The following ANK3 variants were observed in gnomAD, a reference collection of about 807,000 sequenced individuals.
ANK3 encodes ankyrin 3, also known as ankyrin-3.
ANK3 carries 57 observed loss-of-function variants against 370.9 expected under a neutral mutation model. The observed-to-expected ratio is 0.15, with a 90% confidence interval of 0.12 to 0.19. The LOEUF (loss-of-function observed/expected upper bound fraction) is 0.19. ANK3 is among the 10% of genes least tolerant of loss of function. The pLI, the probability that ANK3 is intolerant of heterozygous loss-of-function variation, is 1.00. For synonymous variants in ANK3, 1,929 were observed against 1,946.3 expected (o/e 0.99, Z 0.23); for missense variants, 4,439 against 5,302.1 (o/e 0.84, Z 5.06).
rs1352588258 is a variant in ANK3 at position 60,134,310 on chromosome 10, G to T, written c.2802C>A (p.Ser934Arg). The change falls in exon 25 of 44, where the codon AGC (serine) becomes AGA (arginine). Residue 934 changes from serine (S) to arginine (R), a missense_variant. By Grantham distance (110) the Ser-to-Arg change is moderately radical. Transcript: ENST00000280772. ...TLNRSSYARD[S>R]MMIEELLVPS... Reference sequence around the variant, plus strand: ...GCACAAGGAGTTCTTCAATCATCATGCTGTCCCGTGCATAGGAGCTTCTGT... The same window carrying T: ...GCACAAGGAGTTCTTCAATCATCATTCTGTCCCGTGCATAGGAGCTTCTGT... 1 of 1,613,918 alleles carries T rather than the reference G, an allele frequency of 6.2e-7. No individual in the cohort carries two copies. Among genetic ancestry groups the T allele is most frequent in the Non-Finnish European group, 8.5e-7 (1 of 1,179,916 alleles).
intron 16 of ANK3, among the ~76,000 whole-genome samples, chr10:60,195,430 C>T (rs1235083229): frequency 2.6e-5 from 4 of 151,240 alleles, no homozygotes; most frequent in Non-Finnish European, 5.9e-5. Flanking sequence ...AAGGGATACT[C>T]AATGGTCCTC....
chr10:60,524,143 A>G (rs576781820), intron 2 of ANK3, among the ~76,000 whole-genome samples: 1 of 152,230 alleles, frequency 6.6e-6, no homozygotes, highest in South Asian at 2.1e-4. Flanking sequence ...TCAGTGGTAT[A>G]ACCAAAGAGT....
At chr10:60,461,738 T>G (rs2064889040) in intron 2 of ANK3, among the ~76,000 whole-genome samples, 1 of 152,184 alleles carries the variant, frequency 6.6e-6, no homozygotes, top group African/African-American at 2.4e-5. Flanking sequence ...ATGACTCCCC[T>G]GCAAACTCGG....
intron 1 of ANK3, among the ~76,000 whole-genome samples, chr10:60,724,257 C>G (rs544997679): frequency 6.6e-6 from 1 of 150,790 alleles, no homozygotes; most frequent in Non-Finnish European, 1.5e-5. Flanking sequence ...TCTAGCGCCC[C>G]CAGAAGGAAC....
rs1163943188 is a variant in ANK3 at position 60,166,598 on chromosome 10, A to G, written c.2607T>C (p.Val869=). The G allele has an allele frequency of 6.2e-7, 1 of 1,613,466 alleles. No individual in the cohort carries two copies. The highest frequency in any genetic ancestry group is 1.1e-5 in the South Asian group (1 of 90,968). ...ATAAAAATTTACAAATACCTTCTTC[A>G]ACATCTGAGATATATTCGCCATCAC... ...MLSDGEYISD[V]EEGEDAMTGD... The change falls in exon 23 of 44, where the codon GTT becomes GTC. Residue 869 remains valine (V), a synonymous_variant. Transcript: ENST00000280772.
chr10:60,508,938 G>A lies in ANK3; in HGVS notation c.96+106248C>T, dbSNP rs753843442. On this transcript the variant is annotated intron_variant, in intron 2 of 43. Transcript: ENST00000373827. ...AAAACAGGTGATTGAACCAGGAATC[G>A]CTTAAGATCTTGAGGATGTTTCCCA... Among the ~76,000 whole-genome samples, 214 of 152,228 alleles carry A rather than the reference G, an allele frequency of 1.4e-3. 2 individuals carry two copies. The highest frequency in any genetic ancestry group is 4.6e-4 in the Non-Finnish European group (31 of 68,000).
intron 2 of ANK3, among the ~76,000 whole-genome samples, chr10:60,491,590 C>T (rs1370998753): frequency 6.6e-6 from 1 of 152,176 alleles, no homozygotes; most frequent in Non-Finnish European, 1.5e-5. Context: ...TTGCTCCAGC[C>T]TCAAGGAAGT....
chr10:60,579,984 A>T (rs78503977), intron 2 of ANK3, among the ~76,000 whole-genome samples: 1 of 152,222 alleles, frequency 6.6e-6, no homozygotes, highest in Non-Finnish European at 1.5e-5. Flanking sequence ...TCAATGAGGT[A>T]TAAGGATGTG....
At chr10:60,552,904 TG>T (rs2133235144) in intron 2 of ANK3, among the ~76,000 whole-genome samples, 1 of 152,274 alleles carries the variant, frequency 6.6e-6, no homozygotes, top group African/African-American at 2.4e-5. Flanking sequence ...GTTTTAAAAA[TG>T]GGAGTTTCTC....
chr10:60,365,207 T>C (rs1177486834), intron 1 of ANK3, among the ~76,000 whole-genome samples: 2 of 151,778 alleles, frequency 1.3e-5, no homozygotes, highest in Non-Finnish European at 2.9e-5. Flanking sequence ...CCTTTTCTGT[T>C]ACAGAGATAT....
Position 60,360,436 on chromosome 10 carries a change from C to T in ANK3, c.114+28989G>A, listed in dbSNP as rs146198419. On this transcript the variant is annotated intron_variant, in intron 1 of 43. Coordinates refer to ENST00000280772, the MANE Select transcript of ANK3 (RefSeq NM_020987.5). ...AAAGAGTACTATCTAGGGCCTGGAGCGTTGGCTCATGCCTGTAGTCCCAGC... is the reference window on the plus strand; with the variant it reads ...AAAGAGTACTATCTAGGGCCTGGAGTGTTGGCTCATGCCTGTAGTCCCAGC... Among the ~76,000 whole-genome samples the T allele has an allele frequency of 7.5e-4, 114 of 152,178 alleles. 1 individual carries two copies. The highest frequency in any genetic ancestry group is 2.6e-3 in the African/African-American group (107 of 41,522).
At chr10:60,300,987 A>G (rs1175535474) in intron 1 of ANK3, among the ~76,000 whole-genome samples, 2 of 151,854 alleles carry the variant, frequency 1.3e-5, no homozygotes, top group Non-Finnish European at 2.9e-5. Flanking sequence ...GAGGAGAGTT[A>G]CTTTACTAAA....
chr10:60,548,591 G>A (rs1314400680), intron 2 of ANK3, among the ~76,000 whole-genome samples: 3 of 151,998 alleles, frequency 2.0e-5, no homozygotes, highest in African/African-American at 7.2e-5. Flanking sequence ...CAAAATAAGG[G>A]TTGGGTCCTG....
chr10:60,256,819 C>T (rs139472807), intron 7 of ANK3, among the ~76,000 whole-genome samples: 1 of 152,272 alleles, frequency 6.6e-6, no homozygotes, highest in African/African-American at 2.4e-5. Context: ...TTTCTCATGG[C>T]TGTGTGGTAC....
chr10:60,698,040 A>C (rs1336773477), intron 1 of ANK3, among the ~76,000 whole-genome samples: 1 of 152,142 alleles, frequency 6.6e-6, no homozygotes. Context: ...TCTACAATGA[A>C]CTCAAACAAA....
chr10:60,337,020 A>G, intron 1 of ANK3, among the ~76,000 whole-genome samples: 1 of 114,704 alleles, frequency 8.7e-6, no homozygotes, highest in Non-Finnish European at 1.9e-5. Context: ...ATCAAGAAAA[A>G]GGCTTTAAAA....
intron 28 of ANK3, among the ~76,000 whole-genome samples, chr10:60,105,431 AT>A (rs2092033266): frequency 1.3e-5 from 2 of 152,128 alleles, no homozygotes; most frequent in Admixed American, 1.3e-4. Flanking sequence ...ACCCTGAAAC[AT>A]TTTTTAAAGA....
chr10:60,331,481 A>G (rs1449465071), intron 1 of ANK3, among the ~76,000 whole-genome samples: 2 of 152,094 alleles, frequency 1.3e-5, no homozygotes, highest in African/African-American at 4.8e-5. Context: ...TACTTTAAAA[A>G]ATTTCGACAA....
chr10:60,358,222 T>C (rs1277938039), intron 1 of ANK3, among the ~76,000 whole-genome samples: 1 of 152,180 alleles, frequency 6.6e-6, no homozygotes, highest in African/African-American at 2.4e-5. Flanking sequence ...TGCTCCAATA[T>C]ATTGTTTTAC....
Sources: gnomAD v4.1 joint callset for allele counts (sites outside exome capture counted in the v4.1 genomes callset) on GRCh38, gnomAD v4.1.1 for gene constraint, MANE v1.5 for transcripts, NCBI Gene and HGNC (gene_info 2026-07-23, HGNC 2026-07-21) for gene names.